PHLPP1: variants seen among roughly 807,000 people sequenced by gnomAD.
PHLPP1 encodes PH domain leucine-rich repeat-containing protein phosphatase 1.
In PHLPP1, 42 loss-of-function variants were observed where a neutral mutation model predicts 117.2. The observed-to-expected ratio is 0.36, with a 90% CI of 0.28 to 0.46. The LOEUF is 0.46. PHLPP1 is among the 20% of genes least tolerant of loss of function. The pLI is 1.00. For missense variants in PHLPP1, 2,084 were observed against 2,241.9 expected, an observed-to-expected ratio of 0.93 and a Z score of 1.42; for synonymous variants, 1,042 against 970.7, an observed-to-expected ratio of 1.07 and a Z score of -1.37.
chr18:62,972,783 C>A, intron 15 of PHLPP1, 75 bp downstream of exon 15: 1 of 1,154,046 alleles, frequency 8.7e-7, no homozygotes, highest in Non-Finnish European at 1.2e-6. Flanking sequence ...TTTAGAAAAG[C>A]AGGTGCCCAA....
chr18:62,766,074 A>ATTTTTATATATATATATAT (rs1184323933), intron 1 of PHLPP1, among the ~76,000 whole-genome samples: 1 of 18,232 alleles, frequency 5.5e-5, no homozygotes, highest in African/African-American at 1.4e-4. Flanking sequence ...AAAAAAAAAA[A>ATTTTTATATATATATATAT]AAATATATAT....
At chr18:62,859,766 G>A (rs1445913482) in intron 3 of PHLPP1, among the ~76,000 whole-genome samples, 1 of 152,068 alleles carries the variant, frequency 6.6e-6, no homozygotes, top group Admixed American at 6.5e-5. Context: ...TATGTTTTCA[G>A]GAATAAAACT....
intron 1 of PHLPP1, among the ~76,000 whole-genome samples, chr18:62,818,618 G>A (rs867936455): frequency 7.2e-5 from 11 of 152,138 alleles, no homozygotes; most frequent in Non-Finnish European, 1.0e-4. Context: ...GACCTGTGTC[G>A]TAAGAAATGT....
chr18:62,823,395 C>T (rs1914521658), intron 1 of PHLPP1, among the ~76,000 whole-genome samples: 2 of 151,688 alleles, frequency 1.3e-5, no homozygotes, highest in Admixed American at 1.3e-4. Context: ...GACCCTGTCT[C>T]TACAAAAAAT....
chr18:62,896,754 T>C (rs12965462), intron 6 of PHLPP1, among the ~76,000 whole-genome samples: 9,949 of 152,176 alleles, frequency 0.065, 458 homozygotes, highest in Non-Finnish European at 0.096. Context: ...GTTTCATCAG[T>C]GTAAAGGAGC....
intron 4 of PHLPP1, among the ~76,000 whole-genome samples, chr18:62,888,260 A>G (rs1916328033): frequency 6.6e-6 from 1 of 151,824 alleles, no homozygotes; most frequent in African/African-American, 2.4e-5. Flanking sequence ...TTAGTTTAAA[A>G]TAGAATTATT....
intron 1 of PHLPP1, among the ~76,000 whole-genome samples, chr18:62,812,263 T>G (rs1486256502): frequency 6.6e-6 from 1 of 152,146 alleles, no homozygotes; most frequent in Non-Finnish European, 1.5e-5. Flanking sequence ...TTTCGAATTT[T>G]TATTTTATTA....
intron 1 of PHLPP1, among the ~76,000 whole-genome samples, chr18:62,758,908 G>A (rs180727458): frequency 3.0e-4 from 46 of 152,224 alleles, no homozygotes; most frequent in Middle Eastern, 6.8e-3. Context: ...TTGAATCCAA[G>A]TCTTTCTAAA....
intron 1 of PHLPP1, among the ~76,000 whole-genome samples, chr18:62,751,393 A>G (rs1185550143): frequency 1.3e-5 from 2 of 152,198 alleles, no homozygotes; most frequent in Non-Finnish European, 2.9e-5. Context: ...GAGAATTTGT[A>G]CTTCAACTTC....
Position 62,717,018 on chromosome 18 carries a change from G to T in PHLPP1, c.1335G>T (p.Pro445=). ...AGAAGGCAGCGGCAGCCGTGGCCCC[G>T]GGAGGCCTCCAGTCTACCCCCGGGA... is the stretch of plus-strand genomic sequence containing the variant. ...CEEKAAAAVA[P]GGLQSTPGRS... The change falls in exon 1 of 17, where the codon CCG becomes CCT. Residue 445 remains proline, a synonymous_variant. Coordinates refer to ENST00000262719, the MANE Select transcript of PHLPP1 (RefSeq NM_194449.4). 6.5e-7 allele frequency: 1 copy of T among 1,544,822 alleles called. No homozygotes were observed.
In PHLPP1 at chr18:62,717,094, C is replaced by G. The variant is rs576434856; in HGVS notation, c.1411C>G (p.Leu471Val). The stretch of plus-strand genomic sequence containing the variant: ...GCCTCCGCCGCCCCCGCCGCCCACC[C>G]TGTACGTGCAGCTCCACGGAGAGAC... Reference protein sequence around the residue: ...KAPPPPPPPTLYVQLHGETTR... With the variant: ...KAPPPPPPPTVYVQLHGETTR... The change falls in exon 1 of 17, where the codon CTG (leucine) becomes GTG (valine). Residue 471 changes from leucine (L) to valine (V), a missense_variant. Coordinates refer to ENST00000262719, the MANE Select transcript of PHLPP1 (RefSeq NM_194449.4). 5 of 1,556,316 alleles carry G rather than the reference C, an allele frequency of 3.2e-6. No individual in the cohort carries two copies. In the East Asian group the frequency reaches 1.2e-4, roughly 37 times the overall value.
chr18:62,878,092 C>T (rs755392974), intron 4 of PHLPP1, among the ~76,000 whole-genome samples: 3 of 152,078 alleles, frequency 2.0e-5, no homozygotes, highest in Non-Finnish European at 2.9e-5. Context: ...AGCTCTTTGC[C>T]GTATTCTCTG....
chr18:62,763,794 A>AT (rs933603103), intron 1 of PHLPP1, among the ~76,000 whole-genome samples: 25 of 151,752 alleles, frequency 1.6e-4, no homozygotes, highest in African/African-American at 2.4e-4. Flanking sequence ...AGCACCAGAG[A>AT]TTTTTTTTTC....
At chr18:62,762,940 G>C (rs938489629) in intron 1 of PHLPP1, among the ~76,000 whole-genome samples, 2 of 152,108 alleles carry the variant, frequency 1.3e-5, no homozygotes, top group Non-Finnish European at 2.9e-5. Flanking sequence ...TTATGGAAAA[G>C]AGTTCTTAGT....
rs1322314580 is a variant in PHLPP1 at position 62,716,801 on chromosome 18, C to T, written c.1118C>T (p.Ser373Leu). 1.3e-6 allele frequency: 2 copies of T among 1,526,462 alleles called. No homozygotes were observed. The highest frequency in any genetic ancestry group is 1.8e-6 in the Non-Finnish European group (2 of 1,142,376). 94.6% of individuals were successfully genotyped at this position (1,526,462 alleles called of 1,614,324 possible). The change falls in exon 1 of 17, where the codon TCG becomes TTG. Residue 373 changes from serine to leucine, a missense_variant. By Grantham distance (145) the Ser-to-Leu change is moderately radical. Coordinates refer to ENST00000262719, the MANE Select transcript of PHLPP1 (RefSeq NM_194449.4). This position sits in a 1 kb window ranked among gnomAD's most constrained non-coding sequence, Gnocchi z 5.7. ...LDPYSSGGGS[S>L]SSSEELEADA... ...CCCTACAGCAGCGGCGGCGGCTCCT[C>T]GTCGTCGTCGGAAGAGCTCGAGGCC...
chr18:62,839,212 A>C (rs1568133862), intron 3 of PHLPP1: 1 of 247,560 alleles, frequency 4.0e-6, no homozygotes, highest in Admixed American at 5.0e-5. Context: ...GGACTGACCC[A>C]GGCTAAGACA....
At chr18:62,898,494 A>G (rs1916630226) in intron 6 of PHLPP1, among the ~76,000 whole-genome samples, 1 of 152,058 alleles carries the variant, frequency 6.6e-6, no homozygotes, top group African/African-American at 2.4e-5. Flanking sequence ...AAGCAAGCAC[A>G]ATTTTGCTCA....
At chr18:62,748,246 T>TG (rs1911736896) in intron 1 of PHLPP1, among the ~76,000 whole-genome samples, 1 of 142,244 alleles carries the variant, frequency 7.0e-6, no homozygotes, top group Admixed American at 6.7e-5. Flanking sequence ...GGGTTTTTTT[T>TG]GTTTTTTTTT....
chr18:62,715,816 G>A lies in PHLPP1; in HGVS notation c.133G>A (p.Ala45Thr). The A allele has an allele frequency of 1.3e-6, 1 of 759,948 alleles. No individual in the cohort carries two copies. 47.1% of individuals were successfully genotyped at this position (759,948 alleles called of 1,614,324 possible). The change falls in exon 1 of 17, where the codon GCC (alanine) becomes ACC (threonine). Residue 45 changes from alanine to threonine, a missense_variant. Ala to Thr is a moderately conservative substitution (Grantham distance 58). Around this residue, in one of 2 missense-constraint regions of PHLPP1, gnomAD observed 719 missense variants for 636.0 expected, o/e 1.13. Coordinates refer to ENST00000262719, the MANE Select transcript of PHLPP1 (RefSeq NM_194449.4). Reference sequence around the variant, plus strand: ...GGCCGCGGCGGCTCTGGCGGCGGCGGCCGGGGGCGGCCGGAGTCCGGAGCC... The same window carrying A: ...GGCCGCGGCGGCTCTGGCGGCGGCGACCGGGGGCGGCCGGAGTCCGGAGCC... ...AAAAAALAAA[A>T]GGGRSPEPAL...
Sources: allele counts gnomAD v4.1 joint callset (sites outside exome capture counted in the v4.1 genomes callset), GRCh38; gene constraint gnomAD v4.1.1; regional missense constraint gnomAD v4.1.1; non-coding constraint Gnocchi (gnomAD v3.1); transcripts MANE v1.5; gene names NCBI Gene and HGNC (gene_info 2026-07-23, HGNC 2026-07-21).